Variants in TSNARE1 observed in about 807,000 individuals in gnomAD.
TSNARE1 encodes t-SNARE domain containing 1, also known as t-SNARE domain-containing protein 1.
In TSNARE1, 49 loss-of-function variants were observed where a neutral mutation model predicts 62.0. The ratio of observed to expected loss-of-function variants is 0.79; its 90% CI spans 0.63 to 1.00. The LOEUF is 1.00. Among genes scored for constraint, TSNARE1 ranks in the 50% least tolerant of loss-of-function variants. The probability of loss-of-function intolerance (pLI) is 0.00; values close to 1 mark genes in which losing one functional copy is unlikely to be tolerated. For synonymous variants in TSNARE1, 328 were observed against 294.4 expected (o/e 1.11, Z -1.17); for missense variants, 755 against 700.1 (o/e 1.08, Z -0.88).
At chr8:142,255,527 C>T (rs146483284) in intron 12 of TSNARE1, among the ~76,000 whole-genome samples, 4,100 of 13,408 alleles carry the variant, frequency 0.31, 708 homozygotes, top group Non-Finnish European at 0.39. Context: ...ACCACCACCA[C>T]CACCACCATC....
chr8:142,381,152 A>G (rs1359780224), intron 1 of TSNARE1, among the ~76,000 whole-genome samples: 1 of 152,238 alleles, frequency 6.6e-6, no homozygotes, highest in Non-Finnish European at 1.5e-5. Context: ...CAGTGCCAGA[A>G]GCTGCTCCCC....
intron 2 of TSNARE1, among the ~76,000 whole-genome samples, chr8:142,348,629 G>A (rs1281122738): frequency 1.1e-4 from 14 of 132,468 alleles, no homozygotes; most frequent in Non-Finnish European, 4.6e-5. Flanking sequence ...GCTGCTCCCG[G>A]CACCCCATGC....
intron 12 of TSNARE1, chr8:142,269,322 C>T: frequency 1.3e-5 from 7 of 529,142 alleles, no homozygotes; most frequent in Non-Finnish European, 1.7e-5. Flanking sequence ...AGGATCAGGG[C>T]TCAGGGTCAA....
chr8:142,363,700 ACCAC>A, intron 1 of TSNARE1, among the ~76,000 whole-genome samples: 1 of 152,034 alleles, frequency 6.6e-6, no homozygotes, highest in Non-Finnish European at 1.5e-5. Context: ...TGTCCCCTGG[ACCAC>A]CCTCCCCTCT....
chr8:142,318,471 C>T (rs1828928875), intron 7 of TSNARE1, 73 bp downstream of exon 7: 4 of 1,446,536 alleles, frequency 2.8e-6, no homozygotes, highest in Non-Finnish European at 3.8e-6. Context: ...CCTCGTGTGA[C>T]ATCCCTGCTC....
At chr8:142,324,275 C>T (rs1350526900) in intron 6 of TSNARE1, among the ~76,000 whole-genome samples, 1 of 152,240 alleles carries the variant, frequency 6.6e-6, no homozygotes, top group Non-Finnish European at 1.5e-5. Flanking sequence ...GCCAGCTCTG[C>T]ACAGTTTTGG....
rs140987536 is a variant in TSNARE1, at chr8:142,273,869, C to T, written c.1446+912G>A. The T allele has an allele frequency of 3.4e-3, 3,320 of 985,360 alleles. 6 individuals are homozygous for T. The highest frequency in any genetic ancestry group is 3.8e-3 in the Non-Finnish European group (3,166 of 829,920). 61.0% of individuals were successfully genotyped at this position (985,360 alleles called of 1,614,324 possible). On this transcript the variant is annotated intron_variant, in intron 12 of 13. Transcript: ENST00000524325. Reference sequence around the variant, plus strand: ...TGCGGGCACAGCTGTGATATCCCAGCGTCCTGGGGATGTGGCTCCTCTCTC... The same window carrying T: ...TGCGGGCACAGCTGTGATATCCCAGTGTCCTGGGGATGTGGCTCCTCTCTC...
chr8:142,376,928 C>T (rs999047389), intron 1 of TSNARE1, among the ~76,000 whole-genome samples: 5 of 152,230 alleles, frequency 3.3e-5, no homozygotes, highest in African/African-American at 1.2e-4. Flanking sequence ...CACACAGGAC[C>T]CTGGGCTCAG....
At chr8:142,375,499 G>A (rs921487351) in intron 1 of TSNARE1, among the ~76,000 whole-genome samples, 11 of 152,204 alleles carry the variant, frequency 7.2e-5, no homozygotes, top group Non-Finnish European at 1.2e-4. Context: ...GGGGCTGGGC[G>A]CCAGCTTCCT....
At chr8:142,243,542 A>G (rs984563261) in intron 12 of TSNARE1, among the ~76,000 whole-genome samples, 1 of 152,010 alleles carries the variant, frequency 6.6e-6, no homozygotes, top group East Asian at 1.9e-4. Context: ...GTAAAATCTA[A>G]AAAAAACCTG....
intron 4 of TSNARE1, among the ~76,000 whole-genome samples, chr8:142,338,563 G>A (rs1230199885): frequency 6.6e-6 from 1 of 152,114 alleles, no homozygotes; most frequent in African/African-American, 2.4e-5. Flanking sequence ...AAGCTGACAG[G>A]CTGCCTCGAC....
intron 2 of TSNARE1, among the ~76,000 whole-genome samples, chr8:142,353,603 G>A (rs984574259): frequency 1.3e-5 from 2 of 152,218 alleles, no homozygotes; most frequent in African/African-American, 4.8e-5. Context: ...AGCACATGCT[G>A]CTCCCTCTCT....
At chr8:142,377,331 A>C (rs1217872464) in intron 1 of TSNARE1, among the ~76,000 whole-genome samples, 1 of 152,184 alleles carries the variant, frequency 6.6e-6, no homozygotes, top group Non-Finnish European at 1.5e-5. Flanking sequence ...ACACACACGA[A>C]CACAGACTTG....
intron 12 of TSNARE1, among the ~76,000 whole-genome samples, chr8:142,255,368 CCATCAT>C (rs1400810765): frequency 6.8e-6 from 1 of 147,566 alleles, no homozygotes; most frequent in African/African-American, 2.5e-5. Context: ...ATCACCATCA[CCATCAT>C]CATGGCTGTT....
intron 12 of TSNARE1, among the ~76,000 whole-genome samples, chr8:142,242,947 C>CAAAAAAAA (rs35092120): frequency 3.9e-5 from 2 of 51,368 alleles, no homozygotes; most frequent in African/African-American, 8.1e-5. Context: ...AACTCTGTCT[C>CAAAAAAAA]AAAAAAAAAA....
chr8:142,285,104 C>A (rs1402435791), intron 10 of TSNARE1, among the ~76,000 whole-genome samples: 1 of 151,678 alleles, frequency 6.6e-6, no homozygotes, highest in African/African-American at 2.4e-5. Flanking sequence ...TGGACAGATG[C>A]GTGAATAGGT....
At chr8:142,383,878 AC>A (rs1836939739) in intron 1 of TSNARE1, among the ~76,000 whole-genome samples, 1 of 152,224 alleles carries the variant, frequency 6.6e-6, no homozygotes, top group Non-Finnish European at 1.5e-5. Context: ...TCCAAGCTTC[AC>A]GTTTAGAAAA....
chr8:142,237,993 C>T (rs980957529), intron 12 of TSNARE1, among the ~76,000 whole-genome samples: 1 of 152,116 alleles, frequency 6.6e-6, no homozygotes, highest in Admixed American at 6.5e-5. Context: ...CCACGCCACC[C>T]GCCCAGGTCT....
At chr8:142,295,932 G>A (rs1388624862) in intron 10 of TSNARE1, among the ~76,000 whole-genome samples, 4 of 148,274 alleles carry the variant, frequency 2.7e-5, no homozygotes, top group Admixed American at 2.0e-4. Flanking sequence ...CGGCAGTGAG[G>A]GCTCAGGACA....
Sources: allele counts gnomAD v4.1 joint callset (sites outside exome capture counted in the v4.1 genomes callset), GRCh38; gene constraint gnomAD v4.1.1; transcripts MANE v1.5; gene names NCBI Gene and HGNC (gene_info 2026-07-23, HGNC 2026-07-21).